Variants in PEX5 observed in about 807,000 individuals in gnomAD.
PEX5 encodes the protein peroxisomal biogenesis factor 5, also known as PTS1 receptor.
In PEX5, 52 loss-of-function variants were observed where a neutral mutation model predicts 82.9. The observed-to-expected ratio is 0.63, with a 90% CI of 0.50 to 0.79. The LOEUF is 0.79. Ranked by LOEUF, PEX5 falls within the 30% of genes least tolerant of loss-of-function variation. The pLI, the probability that PEX5 is intolerant of heterozygous loss-of-function variation, is 0.00. For synonymous variants in PEX5, 300 were observed against 318.8 expected, an observed-to-expected ratio of 0.94 and a Z score of 0.63; for missense variants, 719 against 815.2, an observed-to-expected ratio of 0.88 and a Z score of 1.44.
At chr12:7,189,854 G>T (rs1261273837) in intron 1 of PEX5, 104 bp downstream of exon 1, 1 of 1,283,700 alleles carries the variant, frequency 7.8e-7, no homozygotes, top group Non-Finnish European at 1.0e-6. Flanking sequence ...CGGCAGCAGG[G>T]CCGGGGAGAT....
At chr12:7,199,371 C>T (rs1484625455) in intron 6 of PEX5, among the ~76,000 whole-genome samples, 2 of 150,640 alleles carry the variant, frequency 1.3e-5, no homozygotes, top group African/African-American at 4.9e-5. Flanking sequence ...GTGTTTGTGT[C>T]CCTGGGTACT....
chr12:7,204,805 C>T (rs1049556893), intron 10 of PEX5, among the ~76,000 whole-genome samples: 2 of 151,736 alleles, frequency 1.3e-5, no homozygotes, highest in African/African-American at 4.8e-5. Context: ...GTATTTATGA[C>T]ATGCTGGCCA....
At chr12:7,199,409 A>C (rs188217734) in intron 6 of PEX5, among the ~76,000 whole-genome samples, 1 of 147,412 alleles carries the variant, frequency 6.8e-6, no homozygotes, top group Non-Finnish European at 1.5e-5. Context: ...GATGACTCTT[A>C]AAGAGCATGC....
At chr12:7,206,214 T>A (rs756370475) in intron 10 of PEX5, among the ~76,000 whole-genome samples, 4 of 152,264 alleles carry the variant, frequency 2.6e-5, no homozygotes, top group Non-Finnish European at 5.9e-5. Flanking sequence ...AGTGATCCAC[T>A]AGCTGAGGAT....
chr12:7,208,086 T>G lies in PEX5; in HGVS notation c.1181+6T>G. The G allele has an allele frequency of 6.2e-7, 1 of 1,607,354 alleles. No homozygotes were observed. Among genetic ancestry groups the G allele is most frequent in the Non-Finnish European group, 8.5e-7 (1 of 1,173,872 alleles). Reference sequence around the variant, plus strand: ...GCCATCAGTGCATTGCGGAGGTGAGTACACTGAAAGGTGTGGGTGAGGTGC... The same window carrying G: ...GCCATCAGTGCATTGCGGAGGTGAGGACACTGAAAGGTGTGGGTGAGGTGC... On this transcript the variant is annotated splice_donor_region_variant and intron_variant, in intron 12 of 15. Transcript: ENST00000675855.
chr12:7,193,286 T>G (rs1024396729), intron 5 of PEX5, among the ~76,000 whole-genome samples: 3 of 146,250 alleles, frequency 2.1e-5, no homozygotes, highest in Non-Finnish European at 4.4e-5. Context: ...CAGGGTGGAG[T>G]GCAGCGGTGC....
At chr12:7,199,209 C>CATT in intron 6 of PEX5, 96 bp downstream of exon 6, 1 of 396,378 alleles carries the variant, frequency 2.5e-6, no homozygotes, top group Non-Finnish European at 4.5e-6. Flanking sequence ...TTACTTTATT[C>CATT]TTTTTTTTTT....
chr12:7,189,613 C>T (rs1591635192), upstream of PEX5: 26 of 291,636 alleles, frequency 8.9e-5, no homozygotes, highest in East Asian at 1.5e-3. Context: ...AGACAGCTTC[C>T]GCTGGGCCTG....
intron 6 of PEX5, among the ~76,000 whole-genome samples, chr12:7,201,187 GCATA>G (rs769908376): frequency 1.0e-3 from 150 of 143,210 alleles, no homozygotes; most frequent in Admixed American, 1.9e-3. Context: ...ATGTACACAC[GCATA>G]CATACACATA....
At chr12:7,217,203 C>T (rs1320950498) in intron 17 of PEX5, among the ~76,000 whole-genome samples, 5 of 152,140 alleles carry the variant, frequency 3.3e-5, no homozygotes, top group East Asian at 1.9e-4. Flanking sequence ...GAAAGTTTTT[C>T]GTAAAGGGCA....
chr12:7,217,792 A>G (rs192161002), intron 17 of PEX5, among the ~76,000 whole-genome samples: 84 of 152,330 alleles, frequency 5.5e-4, no homozygotes, highest in African/African-American at 1.9e-3. Flanking sequence ...TAGGGGGCCA[A>G]CAGGGACACT....
Position 7,202,672 on chromosome 12 carries a change from A to G in PEX5, c.814A>G (p.Met272Val). 3 of 1,614,094 alleles carry G rather than the reference A, an allele frequency of 1.9e-6. No homozygotes were observed. The highest frequency in any genetic ancestry group is 1.3e-5 in the African/African-American group (1 of 75,032). The change falls in exon 9 of 16, where the codon ATG (methionine) becomes GTG (valine). Residue 272 changes from methionine (M) to valine (V), a missense_variant. Transcript: ENST00000675855. ...TRPVNTSALDMEFERAKSAIE... is the reference protein window; with the variant it reads ...TRPVNTSALDVEFERAKSAIE... Reference sequence around the variant, plus strand: ...ACCAGTAAACACATCTGCCCTTGATATGGAGTTTGAACGAGCCAAGTCAGC... The same window carrying G: ...ACCAGTAAACACATCTGCCCTTGATGTGGAGTTTGAACGAGCCAAGTCAGC...
In PEX5 at chr12:7,210,120, C is replaced by T; in HGVS notation, c.1817C>T (p.Thr606Ile). ...GGAMSENIWS[T>I]LRLALSMLGQ... ...GCCATGTCGGAGAACATCTGGAGCA[C>T]CCTGCGTTTGGCATTGTCTATGTTA... Residue 606 changes from threonine to isoleucine, a missense_variant, in exon 16 of 16, where the codon ACC becomes ATC. Coordinates refer to ENST00000675855, the MANE Select transcript of PEX5 (RefSeq NM_001351132.2). 1 of 1,614,232 alleles carries T rather than the reference C, an allele frequency of 6.2e-7. No homozygotes were observed. The highest frequency in any genetic ancestry group is 8.5e-7 in the Non-Finnish European group (1 of 1,180,026).
intron 9 of PEX5, among the ~76,000 whole-genome samples, chr12:7,203,027 G>A (rs982463776): frequency 5.2e-4 from 79 of 152,118 alleles, no homozygotes; most frequent in African/African-American, 1.8e-3. Flanking sequence ...GTGTGTTGGC[G>A]CATGCCTGTA....
chr12:7,190,960 C>A, intron 3 of PEX5, 37 bp downstream of exon 3: 1 of 1,591,218 alleles, frequency 6.3e-7, no homozygotes, highest in South Asian at 1.1e-5. Flanking sequence ...CCATTTTTCT[C>A]TTGCCCACTG....
chr12:7,191,026 C>T, intron 3 of PEX5, 103 bp downstream of exon 3: 5 of 1,250,296 alleles, frequency 4.0e-6, no homozygotes, highest in Non-Finnish European at 5.9e-6. Context: ...CTTTCCTGAC[C>T]GAATGAGAAT....
At chr12:7,200,004 C>T (rs1303285908) in intron 6 of PEX5, among the ~76,000 whole-genome samples, 3 of 123,474 alleles carry the variant, frequency 2.4e-5, no homozygotes, top group African/African-American at 9.3e-5. Context: ...CCGGACGGGG[C>T]GGCTGGCCAG....
intron 6 of PEX5, among the ~76,000 whole-genome samples, chr12:7,200,287 C>T (rs1285252237): frequency 1.9e-4 from 28 of 147,650 alleles, no homozygotes; most frequent in South Asian, 6.5e-4. Context: ...ACATCTCAGA[C>T]GATGGGTGGT....
At chr12:7,196,279 T>A (rs1418401639) in intron 5 of PEX5, among the ~76,000 whole-genome samples, 35 of 74,450 alleles carry the variant, frequency 4.7e-4, no homozygotes, top group South Asian at 8.0e-4. Flanking sequence ...TTTATATATG[T>A]CATATATAAT....
Sources: allele counts gnomAD v4.1 joint callset (sites outside exome capture counted in the v4.1 genomes callset), GRCh38; gene constraint gnomAD v4.1.1; transcripts MANE v1.5; gene names NCBI Gene and HGNC (gene_info 2026-07-23, HGNC 2026-07-21).